NAV1: variants seen among roughly 807,000 people sequenced by gnomAD.
NAV1 encodes the protein neuron navigator 1.
In NAV1, 18 loss-of-function variants were observed where a neutral mutation model predicts 175.2. The ratio of observed to expected loss-of-function variants is 0.10; its 90% CI spans 0.07 to 0.15. The LOEUF (loss-of-function observed/expected upper bound fraction) is 0.15. Ranked by LOEUF, NAV1 falls within the 10% of genes least tolerant of loss-of-function variation. The pLI is 1.00. For synonymous variants in NAV1, 897 were observed against 978.7 expected, an observed-to-expected ratio of 0.92 and a Z score of 1.56; for missense variants, 1,731 against 2,436.6, an observed-to-expected ratio of 0.71 and a Z score of 6.10.
intron 1 of NAV1, among the ~76,000 whole-genome samples, chr1:201,554,293 C>T (rs1462926532): frequency 4.6e-5 from 7 of 152,186 alleles, no homozygotes; most frequent in African/African-American, 1.7e-4. Context: ...ACTGGTGACC[C>T]GGAGCCAAGA....
chr1:201,779,307 C>T (rs1676152829), intron 3 of NAV1, among the ~76,000 whole-genome samples: 1 of 151,870 alleles, frequency 6.6e-6, no homozygotes, highest in Non-Finnish European at 1.5e-5. Flanking sequence ...AAATGAACAG[C>T]CAGGCCAGGC....
chr1:201,800,811 G>T (rs1304262764), intron 15 of NAV1, among the ~76,000 whole-genome samples: 3 of 135,238 alleles, frequency 2.2e-5, no homozygotes, highest in African/African-American at 5.3e-5. Context: ...CTTCAACTTG[G>T]TGTATCTTTT....
intron 3 of NAV1, chr1:201,719,620 G>A (rs1672287050): frequency 1.3e-5 from 2 of 153,726 alleles, no homozygotes; most frequent in Non-Finnish European, 2.9e-5. Context: ...GGGGGATCCT[G>A]GCCAACTCTT....
intron 3 of NAV1, among the ~76,000 whole-genome samples, chr1:201,772,660 T>C (rs1254639128): frequency 6.6e-6 from 1 of 152,232 alleles, no homozygotes; most frequent in Non-Finnish European, 1.5e-5. Context: ...TACACCTTTC[T>C]CCATCCTTGG....
At chr1:201,737,296 G>C (rs1484641444) in intron 3 of NAV1, 1 of 152,152 alleles carries the variant, frequency 6.6e-6, no homozygotes, top group Non-Finnish European at 1.5e-5. Context: ...GAAGCAGTAA[G>C]GTAGACACTA....
rs112080686 is a variant in NAV1, at chr1:201,689,827, A to G, written c.758-22990A>G. ...GTGGAAGCTCTCCTAGGGGCCTCAGAGCAGCTGGGTTGGAGATTCTGCTCC... is the reference window on the plus strand; with the variant it reads ...GTGGAAGCTCTCCTAGGGGCCTCAGGGCAGCTGGGTTGGAGATTCTGCTCC... On this transcript the variant is annotated intron_variant, in intron 1 of 29. Transcript: ENST00000367296. Among the ~76,000 whole-genome samples the G allele has an allele frequency of 7.1e-3, 1,077 of 152,314 alleles. 11 individuals are homozygous for G. The highest frequency in any genetic ancestry group is 0.025 in the African/African-American group (1,024 of 41,570).
At chr1:201,659,114 A>G (rs1302551657) in intron 1 of NAV1, among the ~76,000 whole-genome samples, 3 of 152,178 alleles carry the variant, frequency 2.0e-5, no homozygotes, top group African/African-American at 7.2e-5. Context: ...CCCACAGCAA[A>G]GCTTGAACCA....
chr1:201,737,990 G>T (rs141682057), intron 3 of NAV1, among the ~76,000 whole-genome samples: 3 of 152,220 alleles, frequency 2.0e-5, no homozygotes, highest in East Asian at 3.9e-4. Flanking sequence ...ACCCCGTTTC[G>T]GGTGGTGGTG....
At chr1:201,754,036 G>A (rs1254982672) in intron 3 of NAV1, among the ~76,000 whole-genome samples, 1 of 152,200 alleles carries the variant, frequency 6.6e-6, no homozygotes, top group Non-Finnish European at 1.5e-5. Flanking sequence ...AAAGCACTTA[G>A]CAAGTGTTTT....
chr1:201,660,343 T>G (rs1274554553), intron 1 of NAV1, among the ~76,000 whole-genome samples: 1 of 152,174 alleles, frequency 6.6e-6, no homozygotes, highest in African/African-American at 2.4e-5. Flanking sequence ...GGGGTTTGCT[T>G]GCTGCTTGAC....
chr1:201,801,027 C>G (rs1677833966), intron 15 of NAV1, among the ~76,000 whole-genome samples: 2 of 152,098 alleles, frequency 1.3e-5, no homozygotes, highest in Admixed American at 1.3e-4. Context: ...TGGGGTTTCA[C>G]TATGTTGCCC....
intron 1 of NAV1, among the ~76,000 whole-genome samples, chr1:201,540,770 GT>G (rs1484476413): frequency 6.6e-6 from 1 of 152,204 alleles, no homozygotes; most frequent in Non-Finnish European, 1.5e-5. Flanking sequence ...TTTAGGGGAA[GT>G]TTTCAATCAT....
At chr1:201,631,954 T>C (rs1182626885) in intron 2 of NAV1, among the ~76,000 whole-genome samples, 5 of 152,142 alleles carry the variant, frequency 3.3e-5, no homozygotes, top group Non-Finnish European at 5.9e-5. Flanking sequence ...TTTGAATGAA[T>C]GAGTAAGGAA....
intron 1 of NAV1, among the ~76,000 whole-genome samples, chr1:201,669,179 T>C (rs1172439619): frequency 6.6e-6 from 1 of 152,256 alleles, no homozygotes; most frequent in East Asian, 1.9e-4. Context: ...CCATTCCTTC[T>C]CTTCATGGAC....
chr1:201,685,197 G>T (rs148546643), intron 1 of NAV1, among the ~76,000 whole-genome samples: 1 of 151,218 alleles, frequency 6.6e-6, no homozygotes, highest in African/African-American at 2.4e-5. Flanking sequence ...CGGTGATCAC[G>T]CCACTGCACC....
chr1:201,691,298 G>A (rs766552883), intron 1 of NAV1, among the ~76,000 whole-genome samples: 12 of 152,218 alleles, frequency 7.9e-5, no homozygotes, highest in South Asian at 4.1e-4. Flanking sequence ...TAGAGGCACC[G>A]TAGTATGCTG....
intron 3 of NAV1, among the ~76,000 whole-genome samples, chr1:201,779,361 G>A (rs930923455): frequency 6.6e-6 from 1 of 151,796 alleles, no homozygotes; most frequent in African/African-American, 2.4e-5. Context: ...GGAGGCTGAG[G>A]CGGGCAGATC....
At chr1:201,683,028 C>G (rs1670526174) in intron 1 of NAV1, among the ~76,000 whole-genome samples, 2 of 151,966 alleles carry the variant, frequency 1.3e-5, no homozygotes, top group Admixed American at 6.6e-5. Flanking sequence ...TTTGGATTTA[C>G]CTGGGTTTTA....
At chr1:201,717,746 G>T (rs1265345522) in intron 2 of NAV1, among the ~76,000 whole-genome samples, 2 of 152,194 alleles carry the variant, frequency 1.3e-5, no homozygotes, top group East Asian at 1.9e-4. Context: ...GTCTTACTGG[G>T]GACCTGCCAT....
Sources: allele counts gnomAD v4.1 joint callset (sites outside exome capture counted in the v4.1 genomes callset), GRCh38; gene constraint gnomAD v4.1.1; transcripts MANE v1.5; gene names NCBI Gene and HGNC (gene_info 2026-07-23, HGNC 2026-07-21).